The following TMEM132C variants were observed in gnomAD, a reference collection of about 807,000 sequenced individuals.
The protein encoded by TMEM132C is protein phosphatase 1, regulatory subunit 152.
A neutral mutation model predicts 61.4 loss-of-function variants in TMEM132C; 29 were observed. The observed-to-expected ratio is 0.47, with a 90% confidence interval of 0.35 to 0.64. TMEM132C has a LOEUF of 0.64. Ranked by LOEUF, TMEM132C falls within the 30% of genes least tolerant of loss-of-function variation. The probability of loss-of-function intolerance (pLI) is 0.00; values close to 1 mark genes in which losing one functional copy is unlikely to be tolerated. For missense variants in TMEM132C, 1,408 were observed against 1,476.9 expected, an observed-to-expected ratio of 0.95 and a Z score of 0.76; for synonymous variants, 656 against 633.1, an observed-to-expected ratio of 1.04 and a Z score of -0.54.
chr12:128,429,331 A>G (rs1255283312), intron 2 of TMEM132C, among the ~76,000 whole-genome samples: 1 of 152,238 alleles, frequency 6.6e-6, no homozygotes, highest in Non-Finnish European at 1.5e-5. Flanking sequence ...ATGCCAGTCA[A>G]CGTGCAGCGA....
chr12:128,455,295 T>G (rs1870302721), intron 2 of TMEM132C, among the ~76,000 whole-genome samples: 1 of 152,216 alleles, frequency 6.6e-6, no homozygotes, highest in South Asian at 2.1e-4. Context: ...TGAATTCAGT[T>G]TCACTCGAGA....
chr12:128,615,446 G>A (rs1406706648), intron 3 of TMEM132C, among the ~76,000 whole-genome samples: 2 of 152,162 alleles, frequency 1.3e-5, no homozygotes, highest in African/African-American at 4.8e-5. Flanking sequence ...ATCAGTGGGA[G>A]CCCTGAGTTT....
At chr12:128,695,457 A>G (rs2135654338) in intron 6 of TMEM132C, among the ~76,000 whole-genome samples, 1 of 152,184 alleles carries the variant, frequency 6.6e-6, no homozygotes, top group East Asian at 1.9e-4. Flanking sequence ...CCAGGAGTTC[A>G]AGGCTGCATT....
At chr12:128,666,031 TCACAGGCACTCATACACAAA>T (rs1465636007) in intron 4 of TMEM132C, among the ~76,000 whole-genome samples, 1 of 44,388 alleles carries the variant, frequency 2.3e-5, no homozygotes. Flanking sequence ...AGGCGCACAT[TCACAGGCACTCATACACAAA>T]CACAGGCACT....
intron 1 of TMEM132C, among the ~76,000 whole-genome samples, chr12:128,366,752 C>A (rs1446423827): frequency 1.3e-5 from 2 of 152,150 alleles, no homozygotes; most frequent in Non-Finnish European, 1.5e-5. Flanking sequence ...TTGTAAGACC[C>A]CTTCCAGCTT....
At chr12:128,447,512 C>A in intron 2 of TMEM132C, among the ~76,000 whole-genome samples, 1 of 152,090 alleles carries the variant, frequency 6.6e-6, no homozygotes, top group African/African-American at 2.4e-5. Flanking sequence ...ATTTAACAAC[C>A]TGCTCTTCAG....
chr12:128,528,258 A>G (rs796705692), intron 2 of TMEM132C, among the ~76,000 whole-genome samples: 12 of 152,314 alleles, frequency 7.9e-5, no homozygotes, highest in African/African-American at 2.9e-4. Flanking sequence ...TTGTGCCCTC[A>G]CGCATTGTGG....
chr12:128,373,637 A>G (rs1874095073), intron 1 of TMEM132C, among the ~76,000 whole-genome samples: 1 of 152,330 alleles, frequency 6.6e-6, no homozygotes, highest in South Asian at 2.1e-4. Context: ...AGCACCAGGC[A>G]CCACTGGGTG....
intron 2 of TMEM132C, among the ~76,000 whole-genome samples, chr12:128,521,820 T>G (rs988741157): frequency 3.3e-5 from 5 of 152,202 alleles, no homozygotes; most frequent in Non-Finnish European, 7.3e-5. Flanking sequence ...TTAAAAAATA[T>G]TTAAAGTCCT....
chr12:128,639,089 G>A (rs1593129419), intron 4 of TMEM132C, among the ~76,000 whole-genome samples: 1 of 146,852 alleles, frequency 6.8e-6, no homozygotes, highest in East Asian at 2.0e-4. Flanking sequence ...TGATGATGAT[G>A]ATGATGGTGT....
intron 4 of TMEM132C, among the ~76,000 whole-genome samples, chr12:128,656,990 C>T (rs1300230101): frequency 2.0e-5 from 3 of 152,172 alleles, no homozygotes; most frequent in Non-Finnish European, 4.4e-5. Context: ...ACCAGGCAGG[C>T]ATCTTCTCCT....
chr12:128,398,142 C>T (rs1332308314), intron 1 of TMEM132C, among the ~76,000 whole-genome samples: 1 of 152,260 alleles, frequency 6.6e-6, no homozygotes, highest in African/African-American at 2.4e-5. Context: ...GACAAGAAGG[C>T]ATCTCAGCCT....
rs1954848117 is a variant in TMEM132C at position 128,707,146 on chromosome 12, A to G, written c.*851A>G. 6.6e-6 allele frequency: 1 copy of G among 151,986 alleles called. No homozygotes were observed. Among genetic ancestry groups the G allele is most frequent in the East Asian group, 1.9e-4 (1 of 5,158 alleles). 9.4% of individuals were successfully genotyped at this position (151,986 alleles called of 1,614,324 possible). A position where few individuals can be genotyped will look rare whatever the true frequency, so the allele number is the denominator to read the frequency against. ...CTGGGGGAGGAGAGGAACTGTCCTT[A>G]ATCCATCACCACTACCATAGGGCAA... On this transcript the variant is annotated 3_prime_UTR_variant, in exon 9 of 9. Transcript: ENST00000435159.
At chr12:128,478,431 G>A (rs148091319) in intron 2 of TMEM132C, among the ~76,000 whole-genome samples, 39 of 152,248 alleles carry the variant, frequency 2.6e-4, no homozygotes, top group African/African-American at 8.9e-4. Flanking sequence ...AAGTCAGGGT[G>A]GCCTCCTTTC....
At chr12:128,689,785 G>A (rs1038647566) in intron 5 of TMEM132C, among the ~76,000 whole-genome samples, 5 of 151,646 alleles carry the variant, frequency 3.3e-5, no homozygotes, top group Non-Finnish European at 7.4e-5. Context: ...GGTACCCAGA[G>A]CAGCAGCAGC....
intron 2 of TMEM132C, among the ~76,000 whole-genome samples, chr12:128,473,616 T>TGCATG (rs1871056904): frequency 6.7e-6 from 1 of 149,620 alleles, no homozygotes; most frequent in African/African-American, 2.5e-5. Flanking sequence ...TCATCTTCAC[T>TGCATG]CCAGCCTCTG....
chr12:128,609,633 C>T (rs897323533), intron 3 of TMEM132C, among the ~76,000 whole-genome samples: 1 of 152,072 alleles, frequency 6.6e-6, no homozygotes, highest in African/African-American at 2.4e-5. Flanking sequence ...ATACTCTTTG[C>T]TCCTCCCTGC....
chr12:128,561,009 G>A (rs751261455), intron 3 of TMEM132C, among the ~76,000 whole-genome samples: 9 of 152,336 alleles, frequency 5.9e-5, no homozygotes, highest in Admixed American at 2.6e-4. Context: ...CAATGATGGA[G>A]CCGCAAGGTT....
intron 2 of TMEM132C, among the ~76,000 whole-genome samples, chr12:128,493,107 A>C (rs886428588): frequency 2.6e-5 from 4 of 152,286 alleles, no homozygotes; most frequent in African/African-American, 9.6e-5. Flanking sequence ...TAAATAGGGA[A>C]TCCTTTCCCC....
Sources: gnomAD v4.1 joint callset for allele counts (sites outside exome capture counted in the v4.1 genomes callset) on GRCh38, gnomAD v4.1.1 for gene constraint, MANE v1.5 for transcripts, NCBI Gene and HGNC (gene_info 2026-07-23, HGNC 2026-07-21) for gene names.